Variants in SNX29 observed in about 807,000 individuals in gnomAD.
SNX29 encodes sorting nexin 29.
SNX29 carries 78 observed loss-of-function variants against 102.1 expected under a neutral mutation model. The observed-to-expected ratio is 0.76, with a 90% CI of 0.64 to 0.92. SNX29 has a LOEUF of 0.92. Among genes scored for constraint, SNX29 ranks in the 40% least tolerant of loss-of-function variants. SNX29 has a pLI of 0.00. For missense variants in SNX29, 1,280 were observed against 1,061.7 expected, an observed-to-expected ratio of 1.21 and a Z score of -2.86; for synonymous variants, 580 against 414.5, an observed-to-expected ratio of 1.40 and a Z score of -4.85.
intron 13 of SNX29, among the ~76,000 whole-genome samples, chr16:12,175,712 G>A (rs1005134252): frequency 3.3e-5 from 5 of 151,832 alleles, no homozygotes; most frequent in Admixed American, 2.0e-4. Context: ...ATAAGAAGAG[G>A]GGAGGTTGGG....
chr16:12,551,306 A>G (rs1456989501), intron 20 of SNX29, among the ~76,000 whole-genome samples: 1 of 152,170 alleles, frequency 6.6e-6, no homozygotes, highest in Non-Finnish European at 1.5e-5. Flanking sequence ...CAGCCCACCA[A>G]AAAGCCACTT....
At chr16:12,221,464 A>G (rs2142115001) in intron 14 of SNX29, among the ~76,000 whole-genome samples, 1 of 152,270 alleles carries the variant, frequency 6.6e-6, no homozygotes, top group Non-Finnish European at 1.5e-5. Flanking sequence ...AAAATACAAA[A>G]TTAGCTGGGC....
chr16:12,563,827 A>C (rs4780448), intron 20 of SNX29, among the ~76,000 whole-genome samples: 1 of 152,008 alleles, frequency 6.6e-6, no homozygotes, highest in East Asian at 1.9e-4. Context: ...TTATTTATTC[A>C]GGCTGCCTGT....
intron 7 of SNX29, 25 bp downstream of exon 7, chr16:12,048,645 C>A (rs758684080): frequency 6.2e-7 from 1 of 1,613,864 alleles, no homozygotes; most frequent in East Asian, 2.2e-5. Context: ...GTGCTCGAGG[C>A]GGAGCAGAGG....
At position 12,572,424 on chromosome 16, in the gene SNX29, C is replaced by T; in HGVS notation, c.*3795C>T. On this transcript the variant is annotated 3_prime_UTR_variant, in exon 21 of 21. Coordinates refer to ENST00000566228, the MANE Select transcript of SNX29 (RefSeq NM_032167.5). ...GGCAGGGCTCTGTGGCCCAGGCCGG[C>T]AGTGGCTGCCTCTCTTGGTTCTGCA... 9.4e-7 allele frequency: 1 copy of T among 1,062,964 alleles called. No homozygotes were observed. The highest frequency in any genetic ancestry group is 4.6e-5 in the South Asian group (1 of 21,974). 65.8% of individuals were successfully genotyped at this position (1,062,964 alleles called of 1,614,324 possible). A position where few individuals can be genotyped will look rare whatever the true frequency, so the allele number is the denominator to read the frequency against.
In SNX29 at chr16:12,035,133, C is replaced by T. The variant is rs1405838094; in HGVS notation, c.247+7689C>T. ...TCCTTTCAGAATGTAAATGACTCTT[C>T]AGCTCATGATGGCGTATGCCCCTAA... is the stretch of plus-strand genomic sequence containing the variant. On this transcript the variant is annotated intron_variant, in intron 4 of 20. Transcript: ENST00000566228. 2.6e-5 allele frequency among the ~76,000 whole-genome samples: 4 copies of T among 151,940 alleles called. No individual in the cohort carries two copies. In the South Asian group the frequency reaches 6.2e-4, roughly 24 times the overall value.
At chr16:12,510,423 C>G (rs1235949951) in intron 19 of SNX29, among the ~76,000 whole-genome samples, 1 of 152,150 alleles carries the variant, frequency 6.6e-6, no homozygotes, top group Non-Finnish European at 1.5e-5. Flanking sequence ...CCTATACAAC[C>G]AGCACTTTGG....
intron 3 of SNX29, among the ~76,000 whole-genome samples, chr16:12,005,686 G>T (rs1301066958): frequency 6.6e-6 from 1 of 152,140 alleles, no homozygotes; most frequent in Non-Finnish European, 1.5e-5. Flanking sequence ...TCTTACACGG[G>T]TGGAGTATCC....
chr16:12,240,608 T>TA (rs2078075261), intron 14 of SNX29, among the ~76,000 whole-genome samples: 2 of 133,310 alleles, frequency 1.5e-5, no homozygotes, highest in African/African-American at 3.2e-5. Context: ...TTTTTTTTTT[T>TA]TTTTGTGAGA....
At chr16:12,186,957 C>A (rs559057200) in intron 13 of SNX29, among the ~76,000 whole-genome samples, 2 of 152,156 alleles carry the variant, frequency 1.3e-5, no homozygotes, top group South Asian at 4.1e-4. Context: ...ACTCAGTGGC[C>A]GGGGCTGACT....
intron 14 of SNX29, among the ~76,000 whole-genome samples, chr16:12,253,865 C>T (rs2078492043): frequency 6.6e-6 from 1 of 152,004 alleles, no homozygotes; most frequent in Non-Finnish European, 1.5e-5. Flanking sequence ...GAAGAGCTGG[C>T]AGGTGGTTAT....
In SNX29 at chr16:12,569,045, G is replaced by A. The variant is rs981697275; in HGVS notation, c.*416G>A. The A allele has an allele frequency of 1.4e-4, 32 of 224,246 alleles. No individual in the cohort carries two copies. Among genetic ancestry groups the A allele is most frequent in the Admixed American group, 2.4e-4 (4 of 16,436 alleles). 13.9% of individuals were successfully genotyped at this position (224,246 alleles called of 1,614,324 possible). A position where few individuals can be genotyped will look rare whatever the true frequency, so the allele number is the denominator to read the frequency against. On this transcript the variant is annotated 3_prime_UTR_variant, in exon 21 of 21. Transcript: ENST00000566228. ...AGCCTCTCCACTCTTTCCCACGTGG[G>A]GACTAGAATGACTATTAGCCTCTCC...
chr16:12,567,084 C>T lies in SNX29; in HGVS notation c.2319-1422C>T, dbSNP rs180885441. On this transcript the variant is annotated intron_variant, in intron 20 of 20. Transcript: ENST00000566228. ...TTTCAGGGAACCCTGCAGGGATCCT[C>T]GAGGGGAATGATTTCTTTATGAATG... Among the ~76,000 whole-genome samples, 108 of 152,312 alleles carry T rather than the reference C, an allele frequency of 7.1e-4. 1 individual carries two copies. Among genetic ancestry groups the T allele is most frequent in the African/African-American group, 2.2e-3 (91 of 41,568 alleles).
At chr16:12,413,176 G>A (rs2084476256) in intron 18 of SNX29, among the ~76,000 whole-genome samples, 1 of 152,154 alleles carries the variant, frequency 6.6e-6, no homozygotes, top group African/African-American at 2.4e-5. Flanking sequence ...CATCTCATTA[G>A]CTAAGTTCTA....
intron 16 of SNX29, among the ~76,000 whole-genome samples, chr16:12,389,518 G>A (rs2083450369): frequency 6.6e-6 from 1 of 152,094 alleles, no homozygotes; most frequent in Non-Finnish European, 1.5e-5. Flanking sequence ...CCGTGATTGT[G>A]AGGCCTCCCT....
intron 15 of SNX29, among the ~76,000 whole-genome samples, chr16:12,318,702 AT>A (rs202203861): frequency 1.1e-4 from 17 of 148,524 alleles, no homozygotes; most frequent in South Asian, 4.3e-4. Flanking sequence ...GAAGAGAAGA[AT>A]TTTTTTTTTT....
At chr16:12,153,041 G>T (rs990170506) in intron 13 of SNX29, among the ~76,000 whole-genome samples, 1 of 152,178 alleles carries the variant, frequency 6.6e-6, no homozygotes, top group South Asian at 2.1e-4. Context: ...CTCTGTAGTC[G>T]TGTCTATTAC....
chr16:12,209,467 G>A (rs1357862181), intron 14 of SNX29, among the ~76,000 whole-genome samples: 1 of 152,214 alleles, frequency 6.6e-6, no homozygotes, highest in Non-Finnish European at 1.5e-5. Flanking sequence ...TGGGATTACA[G>A]GCATGAGCCA....
chr16:12,025,662 G>A (rs561949694), intron 3 of SNX29, among the ~76,000 whole-genome samples: 2 of 152,184 alleles, frequency 1.3e-5, no homozygotes, highest in Non-Finnish European at 2.9e-5. Flanking sequence ...TGCTGGGATC[G>A]ATTAGTGATG....
Sources: gnomAD v4.1 joint callset for allele counts (sites outside exome capture counted in the v4.1 genomes callset) on GRCh38, gnomAD v4.1.1 for gene constraint, MANE v1.5 for transcripts, NCBI Gene and HGNC (gene_info 2026-07-23, HGNC 2026-07-21) for gene names.